UNC13C: variants seen among roughly 807,000 people sequenced by gnomAD.
The protein encoded by UNC13C is unc-13 homolog C, also known as protein unc-13 homolog C.
In UNC13C, 174 loss-of-function variants were observed where a neutral mutation model predicts 245.4. The observed-to-expected ratio is 0.71, with a 90% confidence interval of 0.63 to 0.80. The LOEUF (loss-of-function observed/expected upper bound fraction) is 0.80, where lower values mean the gene tolerates loss of function less well. Ranked by LOEUF, UNC13C falls within the 30% of genes least tolerant of loss-of-function variation. UNC13C has a pLI of 0.00. For missense variants in UNC13C, 2,829 were observed against 2,602.9 expected (o/e 1.09, Z -1.89); for synonymous variants, 992 against 895.1 (o/e 1.11, Z -1.93).
At chr15:54,328,467 G>A (rs2038353620) in intron 14 of UNC13C, among the ~76,000 whole-genome samples, 1 of 152,002 alleles carries the variant, frequency 6.6e-6, no homozygotes, top group Admixed American at 6.6e-5. Flanking sequence ...ATCTAAGATA[G>A]CATGAATACA....
chr15:54,475,469 C>A (rs1363345208), intron 19 of UNC13C, among the ~76,000 whole-genome samples: 5 of 151,766 alleles, frequency 3.3e-5, no homozygotes, highest in Non-Finnish European at 5.9e-5. Flanking sequence ...CCCCCCACCC[C>A]ACAACAGTCC....
At chr15:54,056,863 C>T (rs1400913159) in intron 2 of UNC13C, among the ~76,000 whole-genome samples, 1 of 152,084 alleles carries the variant, frequency 6.6e-6, no homozygotes, top group Admixed American at 6.6e-5. Flanking sequence ...CCAAACTAAG[C>T]TTCATAAGTG....
intron 2 of UNC13C, chr15:54,049,388 T>A (rs1479038248): frequency 1.9e-6 from 1 of 514,376 alleles, no homozygotes; most frequent in African/African-American, 1.9e-5. Flanking sequence ...AAACTAACAG[T>A]TCCTTCTTTG....
intron 4 of UNC13C, among the ~76,000 whole-genome samples, chr15:54,228,879 C>T (rs1391570168): frequency 6.6e-6 from 1 of 152,172 alleles, no homozygotes; most frequent in Non-Finnish European, 1.5e-5. Context: ...ATCTCTAGTT[C>T]ATTTGCCCAA....
intron 28 of UNC13C, 21 bp downstream of exon 28, chr15:54,549,712 A>G (rs1029344655): frequency 1.3e-6 from 2 of 1,521,166 alleles, no homozygotes; most frequent in African/African-American, 2.7e-5. Flanking sequence ...TAAGGAAATT[A>G]CTTATTCATG....
intron 2 of UNC13C, among the ~76,000 whole-genome samples, chr15:54,059,622 T>G (rs1286455800): frequency 6.6e-6 from 1 of 151,968 alleles, no homozygotes; most frequent in Non-Finnish European, 1.5e-5. Flanking sequence ...TACTTTAAAG[T>G]TATCATATGG....
chr15:54,595,134 CG>C (rs1212536689), intron 30 of UNC13C, among the ~76,000 whole-genome samples: 1 of 152,132 alleles, frequency 6.6e-6, no homozygotes, highest in Non-Finnish European at 1.5e-5. Context: ...TTTAACTTAT[CG>C]GGACTGATAC....
chr15:54,135,232 A>G (rs1274471666), intron 2 of UNC13C, among the ~76,000 whole-genome samples: 2 of 152,056 alleles, frequency 1.3e-5, no homozygotes, highest in African/African-American at 2.4e-5. Flanking sequence ...GTTTGCAAAT[A>G]TTTTCTCCCA....
At chr15:54,140,125 T>G (rs1032009525) in intron 2 of UNC13C, among the ~76,000 whole-genome samples, 34 of 152,236 alleles carry the variant, frequency 2.2e-4, no homozygotes, top group African/African-American at 7.2e-4. Flanking sequence ...TTTTACAAAA[T>G]TTTAGATATT....
chr15:54,033,082 T>G (rs1184467832), intron 2 of UNC13C, among the ~76,000 whole-genome samples: 1 of 152,084 alleles, frequency 6.6e-6, no homozygotes, highest in Non-Finnish European at 1.5e-5. Flanking sequence ...AAATCACCAC[T>G]AAAGAACTTA....
At chr15:53,905,836 A>T in the UNC13C span, among the ~76,000 whole-genome samples, 9 of 152,320 alleles carry the variant, frequency 5.9e-5, no homozygotes, top group African/African-American at 1.9e-4. Context: ...TTTGGTGATT[A>T]TTTCACAACA....
At chr15:54,283,401 T>C (rs947092561) in intron 10 of UNC13C, among the ~76,000 whole-genome samples, 1 of 152,140 alleles carries the variant, frequency 6.6e-6, no homozygotes, top group Non-Finnish European at 1.5e-5. Flanking sequence ...ATTATAAGTT[T>C]TTTTGTCTCA....
chr15:54,044,434 A>T (rs1595760132), intron 2 of UNC13C: 1 of 337,442 alleles, frequency 3.0e-6, no homozygotes, highest in East Asian at 9.5e-5. Context: ...GTTTCCTTGG[A>T]TGTAGATCTA....
chr15:54,320,117 T>G (rs1460145711), intron 13 of UNC13C, among the ~76,000 whole-genome samples: 1 of 151,976 alleles, frequency 6.6e-6, no homozygotes, highest in Non-Finnish European at 1.5e-5. Context: ...TGGACTCAAG[T>G]CAGAGGTTAA....
At chr15:54,321,820 A>G in intron 13 of UNC13C, 119 bp from the exon 14 acceptor site, 2 of 920,188 alleles carry the variant, frequency 2.2e-6, no homozygotes, top group South Asian at 3.3e-5. Flanking sequence ...GAGATTGTGC[A>G]GTTTTCTCTC....
chr15:54,160,205 TAAATG>T (rs1385371902), intron 4 of UNC13C, among the ~76,000 whole-genome samples: 1 of 151,680 alleles, frequency 6.6e-6, no homozygotes, highest in African/African-American at 2.4e-5. Flanking sequence ...AACGGATAGT[TAAATG>T]GAAGTGTTAG....
intron 1 of UNC13C, among the ~76,000 whole-genome samples, chr15:54,007,631 A>G (rs1566944616): frequency 6.6e-6 from 1 of 152,166 alleles, no homozygotes; most frequent in African/African-American, 2.4e-5. Context: ...GTGGGGAGGT[A>G]GAGCATTAGG....
At chr15:54,236,818 G>A (rs928598745) in intron 6 of UNC13C, among the ~76,000 whole-genome samples, 1 of 152,186 alleles carries the variant, frequency 6.6e-6, no homozygotes, top group African/African-American at 2.4e-5. Flanking sequence ...GAGGAGATAT[G>A]TATATGACCA....
chr15:53,865,987 A>C, the UNC13C span, among the ~76,000 whole-genome samples: 1 of 152,286 alleles, frequency 6.6e-6, no homozygotes, highest in East Asian at 1.9e-4. Flanking sequence ...AAAAGATGGC[A>C]AAAACAAAAC....
Sources: gnomAD v4.1 joint callset for allele counts (sites outside exome capture counted in the v4.1 genomes callset) on GRCh38, gnomAD v4.1.1 for gene constraint, MANE v1.5 for transcripts, NCBI Gene and HGNC (gene_info 2026-07-23, HGNC 2026-07-21) for gene names.